Variants in POLR1C observed in about 807,000 individuals in gnomAD.
POLR1C encodes the protein RNA polymerase I and III subunit C.
A neutral mutation model predicts 38.3 loss-of-function variants in POLR1C; 42 were observed. The ratio of observed to expected loss-of-function variants is 1.10; its 90% CI spans 0.86 to 1.42. POLR1C has a LOEUF of 1.42. Ranked by LOEUF, POLR1C falls within the 40% of genes most tolerant of loss-of-function variation. The pLI is 0.00. For synonymous variants in POLR1C, 163 were observed against 163.9 expected, an observed-to-expected ratio of 0.99 and a Z score of 0.04; for missense variants, 507 against 450.5, an observed-to-expected ratio of 1.13 and a Z score of -1.14.
chr6:43,519,600 A>G, intron 3 of POLR1C, 106 bp from the exon 4 acceptor site: 1 of 1,533,060 alleles, frequency 6.5e-7, no homozygotes, highest in Non-Finnish European at 9.0e-7. Flanking sequence ...CTCATTAAAC[A>G]TTCTAGGAAG....
In POLR1C at chr6:43,520,133, C is replaced by A. The variant is rs767689208; in HGVS notation, c.450C>A (p.Pro150=). The change falls in exon 5 of 9, where the codon CCC becomes CCA. Residue 150 remains proline, a synonymous_variant. Transcript: ENST00000642195. ...TCCAGGTCAGATGCACTCGGAACCCCCATGCTGCTAAAGATTCCTCTGACC... is the reference window on the plus strand; with the variant it reads ...TCCAGGTCAGATGCACTCGGAACCCACATGCTGCTAAAGATTCCTCTGACC... ...FRLQVRCTRN[P]HAAKDSSDPN... 6 of 1,614,170 alleles carry A rather than the reference C, an allele frequency of 3.7e-6. No individual in the cohort carries two copies. The highest frequency in any genetic ancestry group is 4.2e-6 in the Non-Finnish European group (5 of 1,180,038).
rs775502477 is a variant in POLR1C, at chr6:43,558,459, T to C, written c.*49-2941T>C. The C allele has an allele frequency of 9.9e-6, 15 of 1,522,398 alleles. No individual in the cohort carries two copies. In the African/African-American group the frequency reaches 1.4e-4, roughly 14 times the overall value. 94.3% of individuals were successfully genotyped at this position (1,522,398 alleles called of 1,614,324 possible). A position where few individuals can be genotyped will look rare whatever the true frequency, so the allele number is the denominator to read the frequency against. The stretch of plus-strand genomic sequence containing the variant: ...CCATGATTCATAATACTAGATGCCA[T>C]TCTGAGACTGTTGAGAGAAATCCAA... On this transcript the variant is annotated intron_variant, in intron 10 of 10. Transcript: ENST00000607635.
exon 11 of POLR1C, chr6:43,562,146 G>T: frequency 1.2e-6 from 1 of 855,580 alleles, no homozygotes; most frequent in Non-Finnish European, 1.9e-6. Flanking sequence ...GCCCCATCAG[G>T]CTAAAATCAA....
At chr6:43,554,422 CTTTTT>C (rs753397086) in intron 10 of POLR1C, among the ~76,000 whole-genome samples, 3 of 136,858 alleles carry the variant, frequency 2.2e-5, no homozygotes, top group African/African-American at 5.3e-5. Flanking sequence ...CTTTTCTTTT[CTTTTT>C]TTTTTTTTTC....
In POLR1C at chr6:43,517,179, G is replaced by A. The variant is rs1582177745; in HGVS notation, c.69+1G>A. The A allele has an allele frequency of 2.5e-6, 4 of 1,614,162 alleles. No individual in the cohort carries two copies. Among genetic ancestry groups the A allele is most frequent in the Non-Finnish European group, 3.4e-6 (4 of 1,179,986 alleles). ...TCTGGGGGAGTTTGGGGTTCGCAAT[G>A]TAAGCCTTGTGGCCTTGAGCTCGGG... On this transcript the variant is annotated splice_donor_variant, in intron 1 of 8. Coordinates refer to ENST00000642195, the MANE Select transcript of POLR1C (RefSeq NM_203290.4). LOFTEE classifies it high-confidence loss of function.
Position 43,528,855 on chromosome 6 carries a change from G to A in POLR1C, c.923-394G>A, listed in dbSNP as rs764175153. 8.7e-6 allele frequency: 14 copies of A among 1,613,790 alleles called. No individual in the cohort carries two copies. The highest frequency in any genetic ancestry group is 1.3e-5 in the African/African-American group (1 of 74,914). On this transcript the variant is annotated intron_variant, in intron 8 of 8. Coordinates refer to the POLR1C transcript ENST00000304004. The stretch of plus-strand genomic sequence containing the variant: ...TATGGAGGTAGGTGAAAAGAGGTCC[G>A]AGGATGGGGGATACCAGGGCTTCAT...
At chr6:43,547,829 T>C in intron 9 of POLR1C, 1 of 708,676 alleles carries the variant, frequency 1.4e-6, no homozygotes. Flanking sequence ...GTGAGAGGAG[T>C]ATAATCATAC....
At chr6:43,524,994 C>T (rs1292387337), downstream of POLR1C, 7 of 1,609,142 alleles carry the variant, frequency 4.4e-6, no homozygotes, top group South Asian at 7.7e-5. Flanking sequence ...TGCTTTAGGG[C>T]CACAGGGGGC....
intron 9 of POLR1C, among the ~76,000 whole-genome samples, chr6:43,537,328 G>C (rs1203114371): frequency 6.6e-6 from 1 of 152,016 alleles, no homozygotes; most frequent in South Asian, 2.1e-4. Context: ...ACATACCTGG[G>C]AGTCTTTTAA....
intron 10 of POLR1C, among the ~76,000 whole-genome samples, chr6:43,552,963 T>C (rs1322513292): frequency 1.3e-5 from 2 of 152,132 alleles, no homozygotes; most frequent in Non-Finnish European, 2.9e-5. Flanking sequence ...CTATTTAGCC[T>C]CTCTAAATCT....
intron 10 of POLR1C, among the ~76,000 whole-genome samples, chr6:43,554,429 T>C (rs540750226): frequency 2.5e-4 from 37 of 150,906 alleles, no homozygotes; most frequent in African/African-American, 4.1e-4. Context: ...TTTCTTTTTT[T>C]TTTTTTTCTT....
At position 43,520,143 on chromosome 6, in the gene POLR1C, A is replaced by G. The variant is rs1436024741; in HGVS notation, c.460A>G (p.Lys154Glu). The change falls in exon 5 of 9, where the codon AAA (lysine) becomes GAA (glutamate). Residue 154 changes from lysine to glutamate, a missense_variant. By Grantham distance (56) the Lys-to-Glu change is moderately conservative (BLOSUM62 1). Transcript: ENST00000642195. ...ATGCACTCGGAACCCCCATGCTGCTAAAGATTCCTCTGACCCCAACGAACT... is the reference window on the plus strand; with the variant it reads ...ATGCACTCGGAACCCCCATGCTGCTGAAGATTCCTCTGACCCCAACGAACT... ...VRCTRNPHAAKDSSDPNELYV... is the reference protein window; with the variant it reads ...VRCTRNPHAAEDSSDPNELYV... The G allele has an allele frequency of 6.2e-7, 1 of 1,614,204 alleles. No homozygotes were observed. The highest frequency in any genetic ancestry group is 8.5e-7 in the Non-Finnish European group (1 of 1,180,024).
chr6:43,543,088 G>T (rs867817602), intron 9 of POLR1C, among the ~76,000 whole-genome samples: 8 of 152,214 alleles, frequency 5.3e-5, no homozygotes, highest in Middle Eastern at 6.8e-3. Context: ...ACAAAATATT[G>T]AGCGAAAGGA....
chr6:43,530,264 A>G (rs1283745982), downstream of POLR1C, among the ~76,000 whole-genome samples: 1 of 152,034 alleles, frequency 6.6e-6, no homozygotes, highest in African/African-American at 2.4e-5. Context: ...CTCAAAAAAT[A>G]GGAATAAAAA....
At chr6:43,542,478 CA>C (rs1046178560) in intron 9 of POLR1C, among the ~76,000 whole-genome samples, 14 of 152,018 alleles carry the variant, frequency 9.2e-5, no homozygotes, top group Admixed American at 4.6e-4. Context: ...AACATGATCT[CA>C]GCTCACTGCA....
At chr6:43,556,867 G>A (rs1228441568) in intron 10 of POLR1C, among the ~76,000 whole-genome samples, 3 of 152,150 alleles carry the variant, frequency 2.0e-5, no homozygotes, top group Admixed American at 6.6e-5. Flanking sequence ...GGTGGCTCAC[G>A]CCTATAATCC....
chr6:43,519,272 G>T, intron 2 of POLR1C, 61 bp from the exon 3 acceptor site: 1 of 979,004 alleles, frequency 1.0e-6, no homozygotes, highest in Non-Finnish European at 1.6e-6. Context: ...TAAGGGGGAG[G>T]TATGAAGAGA....
At chr6:43,532,491 C>G (rs1477438846), downstream of POLR1C, among the ~76,000 whole-genome samples, 1 of 152,230 alleles carries the variant, frequency 6.6e-6, no homozygotes, top group Non-Finnish European at 1.5e-5. Flanking sequence ...GCCTCTAGCT[C>G]TAACTTCATC....
At chr6:43,517,405 G>C in intron 2 of POLR1C, 28 bp downstream of exon 2, 2 of 1,591,280 alleles carry the variant, frequency 1.3e-6, no homozygotes, top group Non-Finnish European at 1.7e-6. Context: ...TGTCTGGGGA[G>C]GGTTATGAAG....
Sources: allele counts gnomAD v4.1 joint callset (sites outside exome capture counted in the v4.1 genomes callset), GRCh38; gene constraint gnomAD v4.1.1; transcripts MANE v1.5; gene names NCBI Gene and HGNC (gene_info 2026-07-23, HGNC 2026-07-21).